BAZ1B: variants seen among roughly 807,000 people sequenced by gnomAD.
BAZ1B encodes the protein tyrosine-protein kinase BAZ1B.
A neutral mutation model predicts 153.8 loss-of-function variants in BAZ1B; 22 were observed. That is an observed-to-expected ratio of 0.14 (90% CI 0.10 to 0.20). The LOEUF is 0.20. BAZ1B is among the 10% of genes least tolerant of loss of function. The pLI, the probability that BAZ1B is intolerant of heterozygous loss-of-function variation, is 1.00. For missense variants in BAZ1B, 1,325 were observed against 1,799.3 expected (o/e 0.74, Z 4.77); for synonymous variants, 676 against 633.4 (o/e 1.07, Z -1.01).
chr7:73,490,659 G>A (rs1349469328), intron 5 of BAZ1B, among the ~76,000 whole-genome samples: 2 of 151,238 alleles, frequency 1.3e-5, no homozygotes, highest in African/African-American at 2.4e-5. Flanking sequence ...AGGCTGGAGA[G>A]CAATGGCGCA....
chr7:73,512,086 C>T (rs1239607963), intron 1 of BAZ1B, among the ~76,000 whole-genome samples: 4 of 134,244 alleles, frequency 3.0e-5, no homozygotes, highest in Admixed American at 7.5e-5. Context: ...AATGAGGTGA[C>T]TAGGCCACAG....
intron 10 of BAZ1B, 129 bp downstream of exon 10, chr7:73,466,167 C>A: frequency 1.4e-5 from 9 of 641,620 alleles, no homozygotes; most frequent in South Asian, 8.6e-5. Flanking sequence ...TTTTGATATC[C>A]AAAATATCAG....
At chr7:73,489,904 G>A (rs1367155462) in intron 5 of BAZ1B, among the ~76,000 whole-genome samples, 1 of 152,158 alleles carries the variant, frequency 6.6e-6, no homozygotes, top group Admixed American at 6.5e-5. Flanking sequence ...TACCCTTTCA[G>A]CAATTCCTCT....
intron 5 of BAZ1B, among the ~76,000 whole-genome samples, chr7:73,490,607 A>C (rs1225770470): frequency 7.0e-6 from 1 of 142,504 alleles, no homozygotes; most frequent in Non-Finnish European, 1.5e-5. Flanking sequence ...AAAACTAAGC[A>C]TTTTTTTTTT....
chr7:73,462,193 T>C (rs1398742366), intron 12 of BAZ1B, among the ~76,000 whole-genome samples: 7 of 152,112 alleles, frequency 4.6e-5, no homozygotes, highest in Admixed American at 4.6e-4. Flanking sequence ...GCAATGACTG[T>C]GCCACTGTAC....
chr7:73,451,410 T>C (rs1465178405), intron 13 of BAZ1B, among the ~76,000 whole-genome samples: 29 of 152,270 alleles, frequency 1.9e-4, no homozygotes, highest in Admixed American at 6.5e-5. Context: ...AAAGAAGTCC[T>C]TGTGAAGTAA....
intron 6 of BAZ1B, among the ~76,000 whole-genome samples, chr7:73,480,707 AG>A (rs1789165888): frequency 6.6e-6 from 1 of 152,200 alleles, no homozygotes; most frequent in South Asian, 2.1e-4. Flanking sequence ...AGAAGTCTAA[AG>A]ACAAGTAGGT....
chr7:73,521,581 G>A (rs1043696387), intron 1 of BAZ1B, among the ~76,000 whole-genome samples: 4 of 152,014 alleles, frequency 2.6e-5, no homozygotes, highest in Non-Finnish European at 4.4e-5. Flanking sequence ...CCGGGACAAA[G>A]TGCGGGGCCC....
At chr7:73,471,681 C>T (rs1156361194) in intron 7 of BAZ1B, among the ~76,000 whole-genome samples, 1 of 151,994 alleles carries the variant, frequency 6.6e-6, no homozygotes, top group Non-Finnish European at 1.5e-5. Flanking sequence ...TGTCTATTGA[C>T]AATAACATCT....
At chr7:73,505,385 T>C (rs879980069) in intron 3 of BAZ1B, among the ~76,000 whole-genome samples, 10 of 152,128 alleles carry the variant, frequency 6.6e-5, no homozygotes, top group Admixed American at 5.2e-4. Context: ...GTCTTGACAA[T>C]AGTATTCAGC....
At chr7:73,515,008 G>T (rs1240549131) in intron 1 of BAZ1B, among the ~76,000 whole-genome samples, 2 of 152,026 alleles carry the variant, frequency 1.3e-5, no homozygotes, top group Non-Finnish European at 2.9e-5. Context: ...GAAGGCGGAG[G>T]TTGCAGTGAG....
At chr7:73,479,230 C>T (rs2116343228) in intron 6 of BAZ1B, among the ~76,000 whole-genome samples, 1 of 152,202 alleles carries the variant, frequency 6.6e-6, no homozygotes, top group East Asian at 1.9e-4. Flanking sequence ...TCATTCTGGC[C>T]AGGCGCAGTG....
intron 2 of BAZ1B, 113 bp downstream of exon 2, chr7:73,510,623 T>C: frequency 1.0e-6 from 1 of 979,968 alleles, no homozygotes; most frequent in South Asian, 1.5e-5. Context: ...TAATGTAATA[T>C]AGTCTAATTT....
At chr7:73,459,389 T>TAA (rs372881709) in intron 13 of BAZ1B, 147 bp downstream of exon 13, 1,210 of 635,196 alleles carry the variant, frequency 1.9e-3, no homozygotes, top group South Asian at 2.9e-3. Flanking sequence ...AGAAAGTGAT[T>TAA]AAAAAAAAAA....
intron 1 of BAZ1B, among the ~76,000 whole-genome samples, chr7:73,513,121 AT>A (rs1281086046): frequency 6.6e-6 from 1 of 151,952 alleles, no homozygotes; most frequent in Non-Finnish European, 1.5e-5. Context: ...GCCCACCTAC[AT>A]TTTTTATCTT....
chr7:73,449,581 G>A lies in BAZ1B; in HGVS notation c.3689C>T (p.Ala1230Val). 2 of 1,613,900 alleles carry A rather than the reference G, an allele frequency of 1.2e-6. No individual in the cohort carries two copies. Among genetic ancestry groups the A allele is most frequent in the Non-Finnish European group, 1.7e-6 (2 of 1,179,940 alleles). The change falls in exon 15 of 20, where the codon GCT (alanine) becomes GTT (valine). Residue 1230 changes from alanine (A) to valine (V), a missense_variant. Coordinates refer to ENST00000339594, the MANE Select transcript of BAZ1B (RefSeq NM_032408.4). ...EVPDGEWQCP[A>V]CQPATARRNS... ...GCGCCTGGCAGTAGCGGGCTGGCAA[G>A]CTGGGCACTGCCACTCACCATCTGG...
At chr7:73,511,763 G>A (rs1391282372) in intron 1 of BAZ1B, among the ~76,000 whole-genome samples, 3 of 151,036 alleles carry the variant, frequency 2.0e-5, no homozygotes, top group Non-Finnish European at 4.4e-5. Flanking sequence ...GCTCACGCCT[G>A]TAATCCCAGA....
intron 3 of BAZ1B, among the ~76,000 whole-genome samples, chr7:73,499,690 A>G (rs906829060): frequency 2.1e-4 from 32 of 152,230 alleles, no homozygotes; most frequent in African/African-American, 6.8e-4. Context: ...TGACAGGGTG[A>G]GACCCTATCT....
intron 12 of BAZ1B, among the ~76,000 whole-genome samples, chr7:73,460,412 A>C (rs771875341): frequency 4.6e-5 from 7 of 152,134 alleles, no homozygotes; most frequent in Non-Finnish European, 7.4e-5. Flanking sequence ...ATGTTTTTTT[A>C]ATTTTTTTCT....
Sources: gnomAD v4.1 joint callset for allele counts (sites outside exome capture counted in the v4.1 genomes callset) on GRCh38, gnomAD v4.1.1 for gene constraint, MANE v1.5 for transcripts, NCBI Gene and HGNC (gene_info 2026-07-23, HGNC 2026-07-21) for gene names.